B4GALT6: variants seen among roughly 807,000 people sequenced by gnomAD.
B4GALT6 encodes the protein UDP-Gal:beta-GlcNAc beta-1,4-galactosyltransferase 6.
B4GALT6 carries 14 observed loss-of-function variants against 46.3 expected under a neutral mutation model. The observed-to-expected ratio is 0.30, with a 90% CI of 0.20 to 0.47. The LOEUF (loss-of-function observed/expected upper bound fraction) is 0.47. Among genes scored for constraint, B4GALT6 ranks in the 20% least tolerant of loss-of-function variants. The pLI is 0.99. For missense variants in B4GALT6, 386 were observed against 480.1 expected (o/e 0.80, Z 1.83); for synonymous variants, 168 against 162.0 (o/e 1.04, Z -0.28).
chr18:31,640,249 T>C (rs964705437), intron 4 of B4GALT6, among the ~76,000 whole-genome samples: 4 of 152,164 alleles, frequency 2.6e-5, no homozygotes, highest in African/African-American at 9.7e-5. Flanking sequence ...CAAATAAAGT[T>C]TATTAATAAA....
the B4GALT6 span, among the ~76,000 whole-genome samples, chr18:31,698,438 T>TTCAA: frequency 6.6e-6 from 1 of 152,204 alleles, no homozygotes; most frequent in African/African-American, 2.4e-5. Context: ...AAGACCAGCC[T>TTCAA]GGACAGCATA....
intron 5 of B4GALT6, among the ~76,000 whole-genome samples, chr18:31,634,524 T>C (rs2073833640): frequency 1.3e-5 from 2 of 152,196 alleles, no homozygotes; most frequent in African/African-American, 4.8e-5. Flanking sequence ...GCATCAGCAC[T>C]CCATCTGCTT....
chr18:31,630,706 T>C (rs1043219197), intron 6 of B4GALT6, among the ~76,000 whole-genome samples: 3 of 152,138 alleles, frequency 2.0e-5, no homozygotes, highest in Non-Finnish European at 4.4e-5. Context: ...AGTTTAAATC[T>C]GTGTGTGCTT....
chr18:31,722,819 A>T, the B4GALT6 span, among the ~76,000 whole-genome samples: 2 of 152,184 alleles, frequency 1.3e-5, no homozygotes, highest in African/African-American at 4.8e-5. Flanking sequence ...CACACAATAA[A>T]AGAGAATTTG....
chr18:31,651,128 T>C (rs1359819006), intron 3 of B4GALT6, among the ~76,000 whole-genome samples: 1 of 152,098 alleles, frequency 6.6e-6, no homozygotes, highest in Non-Finnish European at 1.5e-5. Context: ...TGCAGCTCTA[T>C]GACCTTCACC....
chr18:31,683,535 G>A (rs190350333), intron 1 of B4GALT6, among the ~76,000 whole-genome samples: 9 of 152,260 alleles, frequency 5.9e-5, no homozygotes, highest in African/African-American at 2.2e-4. Context: ...AATGGGGGAC[G>A]AGGAATTCGG....
intron 3 of B4GALT6, among the ~76,000 whole-genome samples, chr18:31,656,355 C>T (rs1341011507): frequency 6.6e-6 from 1 of 151,750 alleles, no homozygotes; most frequent in African/African-American, 2.4e-5. Flanking sequence ...ATATCAAATC[C>T]AAGATACAAA....
chr18:31,665,659 G>A (rs1023841259), intron 2 of B4GALT6, among the ~76,000 whole-genome samples: 5 of 152,256 alleles, frequency 3.3e-5, no homozygotes, highest in Admixed American at 6.5e-5. Context: ...TGAGAATGGC[G>A]TGAACCTGGT....
At chr18:31,651,343 T>A (rs1393636286) in intron 3 of B4GALT6, among the ~76,000 whole-genome samples, 1 of 152,152 alleles carries the variant, frequency 6.6e-6, no homozygotes, top group Non-Finnish European at 1.5e-5. Flanking sequence ...TCAAGCATAG[T>A]AAGGTTTCAG....
intron 5 of B4GALT6, 52 bp from the exon 6 acceptor site, chr18:31,631,198 A>ATAT: frequency 3.3e-6 from 4 of 1,221,924 alleles, no homozygotes; most frequent in Non-Finnish European, 3.2e-6. Flanking sequence ...ACACTTCATC[A>ATAT]TCTTTTTTTT....
chr18:31,682,295 AAGG>A (rs1304311048), intron 1 of B4GALT6, among the ~76,000 whole-genome samples: 2 of 152,206 alleles, frequency 1.3e-5, no homozygotes, highest in African/African-American at 4.8e-5. Flanking sequence ...AAAGATTAAA[AAGG>A]AGGCTTTTTT....
chr18:31,650,104 T>C (rs1328897130), intron 3 of B4GALT6, among the ~76,000 whole-genome samples: 2 of 152,196 alleles, frequency 1.3e-5, no homozygotes, highest in African/African-American at 4.8e-5. Context: ...CTCTTTCACC[T>C]TCTCCCACTC....
intron 6 of B4GALT6, among the ~76,000 whole-genome samples, chr18:31,630,048 G>C (rs1053719829): frequency 7.5e-6 from 1 of 133,696 alleles, no homozygotes; most frequent in African/African-American, 2.7e-5. Context: ...GGAAGGAAGA[G>C]GAAGAAGGGG....
At chr18:31,657,928 T>C in intron 3 of B4GALT6, 48 bp downstream of exon 3, 1 of 1,465,694 alleles carries the variant, frequency 6.8e-7, no homozygotes, top group South Asian at 1.2e-5. Flanking sequence ...TTTATGACTG[T>C]ATTGTAACAC....
At chr18:31,666,599 A>G (rs891218030) in intron 1 of B4GALT6, among the ~76,000 whole-genome samples, 7 of 152,196 alleles carry the variant, frequency 4.6e-5, no homozygotes, top group Non-Finnish European at 1.0e-4. Flanking sequence ...CCACCTATCA[A>G]ATAGAATGAA....
chr18:31,720,451 G>A, the B4GALT6 span, among the ~76,000 whole-genome samples: 4 of 152,186 alleles, frequency 2.6e-5, no homozygotes, highest in African/African-American at 9.7e-5. Flanking sequence ...CTTCAGCTAT[G>A]GGTGCCATCG....
intron 3 of B4GALT6, among the ~76,000 whole-genome samples, chr18:31,652,257 T>C (rs965734999): frequency 6.6e-6 from 1 of 152,268 alleles, no homozygotes; most frequent in East Asian, 1.9e-4. Context: ...AGAGTCTACT[T>C]TGCTTCTCTC....
the B4GALT6 span, among the ~76,000 whole-genome samples, chr18:31,696,447 C>G: frequency 2.6e-5 from 4 of 152,106 alleles, no homozygotes; most frequent in African/African-American, 9.7e-5. Flanking sequence ...AGTTTTACTT[C>G]ATTGCCTTTT....
intron 2 of B4GALT6, among the ~76,000 whole-genome samples, chr18:31,661,400 T>C (rs929404856): frequency 4.3e-4 from 65 of 150,046 alleles, no homozygotes; most frequent in Non-Finnish European, 1.0e-4. Context: ...GCTAGGAGAC[T>C]GTTATTACAT....
Sources: allele counts gnomAD v4.1 joint callset (sites outside exome capture counted in the v4.1 genomes callset), GRCh38; gene constraint gnomAD v4.1.1; transcripts MANE v1.5; gene names NCBI Gene and HGNC (gene_info 2026-07-23, HGNC 2026-07-21).